Variants in LRP6 observed in about 807,000 individuals in gnomAD.
LRP6 encodes LDL receptor related protein 6, also known as low-density lipoprotein receptor-related protein 6.
In LRP6, 43 loss-of-function variants were observed where a neutral mutation model predicts 184.1. That is an observed-to-expected ratio of 0.23 (90% CI 0.18 to 0.30). The LOEUF is 0.30. Ranked by LOEUF, LRP6 falls within the 10% of genes least tolerant of loss-of-function variation. The probability of loss-of-function intolerance (pLI) is 1.00; values close to 1 mark genes in which losing one functional copy is unlikely to be tolerated. For synonymous variants in LRP6, 719 were observed against 684.9 expected (o/e 1.05, Z -0.78); for missense variants, 1,571 against 2,005.3 (o/e 0.78, Z 4.14).
At position 12,263,902 on chromosome 12, in the gene LRP6, G is replaced by A. The variant is rs370047346; in HGVS notation, c.55+2779C>T. On this transcript the variant is annotated intron_variant, in intron 1 of 22. Coordinates refer to ENST00000261349, the MANE Select transcript of LRP6 (RefSeq NM_002336.3). ...CTCACACCTGTAACCTGTAATCCCA[G>A]CACTTTGAGAGGATCACTTGAGGCC... 2.7e-4 allele frequency among the ~76,000 whole-genome samples: 41 copies of A among 152,030 alleles called. No individual in the cohort carries two copies. The South Asian group carries it at 8.5e-3, about 32-fold the overall frequency.
intron 1 of LRP6, among the ~76,000 whole-genome samples, chr12:12,257,968 CAAA>C (rs1172116150): frequency 7.7e-5 from 5 of 65,246 alleles, no homozygotes; most frequent in Admixed American, 1.7e-4. Context: ...GACCCTGTCT[CAAA>C]AAAAAAAAAA....
intron 2 of LRP6, among the ~76,000 whole-genome samples, chr12:12,218,476 CAATAATAATAATAATAATAAT>C (rs71435901): frequency 7.1e-5 from 10 of 140,020 alleles, no homozygotes; most frequent in East Asian, 4.1e-4. Context: ...GACCCTCTCT[CAATAATAATAATAATAATAAT>C]AATAATAATA....
intron 2 of LRP6, among the ~76,000 whole-genome samples, chr12:12,215,180 C>T (rs1030209094): frequency 6.6e-6 from 1 of 152,078 alleles, no homozygotes; most frequent in Non-Finnish European, 1.5e-5. Context: ...CAGTTTCTGA[C>T]ATCCTTACAA....
intron 12 of LRP6, among the ~76,000 whole-genome samples, chr12:12,151,561 T>C (rs1950081100): frequency 6.6e-6 from 1 of 152,056 alleles, no homozygotes; most frequent in South Asian, 2.1e-4. Flanking sequence ...TAGGCCAAAG[T>C]TTACTCAGCG....
Position 12,203,864 on chromosome 12 carries a change from T to G in LRP6, c.450-464A>C, listed in dbSNP as rs192986219. On this transcript the variant is annotated intron_variant, in intron 2 of 22. Coordinates refer to ENST00000261349, the MANE Select transcript of LRP6 (RefSeq NM_002336.3). ...ATTTTGAAATTCTAATATCTACCAT[T>G]TGCAACTGCCCTGGTAATACCTGAT... is the stretch of plus-strand genomic sequence containing the variant. 2.4e-3 allele frequency among the ~76,000 whole-genome samples: 366 copies of G among 152,256 alleles called. 2 individuals carry two copies. Among genetic ancestry groups the G allele is most frequent in the Non-Finnish European group, 1.2e-3 (79 of 68,020 alleles).
intron 2 of LRP6, among the ~76,000 whole-genome samples, chr12:12,235,033 G>A (rs527477225): frequency 9.2e-5 from 14 of 152,198 alleles, no homozygotes; most frequent in Middle Eastern, 6.8e-3. Context: ...TAGAAGGGAT[G>A]GGGAAGAAGA....
At chr12:12,184,327 T>A (rs1863415690) in intron 4 of LRP6, among the ~76,000 whole-genome samples, 1 of 152,104 alleles carries the variant, frequency 6.6e-6, no homozygotes, top group African/African-American at 2.4e-5. Flanking sequence ...AAGCAGGAGA[T>A]CCCTGCCCTA....
At chr12:12,191,487 CA>C (rs1863614432) in intron 3 of LRP6, among the ~76,000 whole-genome samples, 1 of 152,064 alleles carries the variant, frequency 6.6e-6, no homozygotes, top group Non-Finnish European at 1.5e-5. Context: ...AATGTTCAAG[CA>C]AAACAGTTTC....
At chr12:12,196,182 T>C (rs143935739) in intron 3 of LRP6, among the ~76,000 whole-genome samples, 36 of 151,624 alleles carry the variant, frequency 2.4e-4, no homozygotes, top group African/African-American at 8.5e-4. Flanking sequence ...GGGTCTTTTA[T>C]GGTCCCATAC....
chr12:12,136,721 T>C (rs544276633), intron 16 of LRP6, among the ~76,000 whole-genome samples: 2 of 152,362 alleles, frequency 1.3e-5, no homozygotes, highest in South Asian at 2.1e-4. Context: ...CAAATGAGCA[T>C]ACTGTCCAAA....
At chr12:12,259,921 A>G (rs1316015470) in intron 1 of LRP6, among the ~76,000 whole-genome samples, 1 of 152,210 alleles carries the variant, frequency 6.6e-6, no homozygotes, top group African/African-American at 2.4e-5. Flanking sequence ...CACCAACTGA[A>G]TAATTGTTGT....
intron 2 of LRP6, among the ~76,000 whole-genome samples, chr12:12,231,273 T>C (rs1864781650): frequency 6.9e-6 from 1 of 144,866 alleles, no homozygotes; most frequent in Non-Finnish European, 1.5e-5. Flanking sequence ...ACTGAGAAAC[T>C]TCTGTTCCAA....
At chr12:12,235,482 G>T (rs933285568) in intron 2 of LRP6, among the ~76,000 whole-genome samples, 1 of 151,812 alleles carries the variant, frequency 6.6e-6, no homozygotes, top group East Asian at 1.9e-4. Context: ...GTAATCTCAC[G>T]CACTTTGGGA....
At chr12:12,232,773 T>C (rs1864826138) in intron 2 of LRP6, among the ~76,000 whole-genome samples, 1 of 152,166 alleles carries the variant, frequency 6.6e-6, no homozygotes, top group Non-Finnish European at 1.5e-5. Flanking sequence ...CCTCAGTGCA[T>C]GCTAAAATAA....
intron 2 of LRP6, among the ~76,000 whole-genome samples, chr12:12,212,410 G>A (rs1864235955): frequency 6.6e-6 from 1 of 152,172 alleles, no homozygotes; most frequent in Admixed American, 6.5e-5. Flanking sequence ...AAGAGAGCCT[G>A]TCACATAATA....
chr12:12,212,586 A>G (rs868040726), intron 2 of LRP6, among the ~76,000 whole-genome samples: 1 of 152,144 alleles, frequency 6.6e-6, no homozygotes, highest in Non-Finnish European at 1.5e-5. Flanking sequence ...TTTCCATAGC[A>G]AAACTTATAG....
At chr12:12,172,155 C>T (rs1863064154) in intron 7 of LRP6, among the ~76,000 whole-genome samples, 1 of 152,186 alleles carries the variant, frequency 6.6e-6, no homozygotes, top group Admixed American at 6.5e-5. Context: ...TGAAATTAGG[C>T]TTCTGTCACT....
intron 18 of LRP6, 110 bp downstream of exon 18, chr12:12,131,711 C>A: frequency 1.2e-6 from 1 of 836,580 alleles, no homozygotes; most frequent in South Asian, 1.3e-5. Flanking sequence ...GTGATACAGT[C>A]ATATGTACTT....
intron 9 of LRP6, 47 bp from the exon 10 acceptor site, chr12:12,162,466 C>G (rs1310462853): frequency 6.6e-7 from 1 of 1,505,888 alleles, no homozygotes; most frequent in Non-Finnish European, 9.2e-7. Flanking sequence ...AAGTCTAAAC[C>G]CTATCCAGAA....
Sources: allele counts gnomAD v4.1 joint callset (sites outside exome capture counted in the v4.1 genomes callset), GRCh38; gene constraint gnomAD v4.1.1; transcripts MANE v1.5; gene names NCBI Gene and HGNC (gene_info 2026-07-23, HGNC 2026-07-21).